DCBLD2: variants seen among roughly 807,000 people sequenced by gnomAD.
DCBLD2 encodes discoidin, CUB and LCCL domain containing 2, also known as discoidin, CUB and LCCL domain-containing protein 2.
A neutral mutation model predicts 86.8 loss-of-function variants in DCBLD2; 54 were observed. The observed-to-expected ratio is 0.62, with a 90% CI of 0.50 to 0.78. DCBLD2 has a LOEUF of 0.78. DCBLD2 is among the 30% of genes least tolerant of loss of function. The pLI is 0.00. For synonymous variants in DCBLD2, 354 were observed against 341.3 expected, an observed-to-expected ratio of 1.04 and a Z score of -0.41; for missense variants, 908 against 954.2, an observed-to-expected ratio of 0.95 and a Z score of 0.64.
intron 3 of DCBLD2, among the ~76,000 whole-genome samples, chr3:98,849,000 T>A (rs1464208486): frequency 6.6e-6 from 1 of 151,964 alleles, no homozygotes; most frequent in Non-Finnish European, 1.5e-5. Context: ...AGAAACCCCA[T>A]CTCTACTAAA....
At chr3:98,901,079 C>A (rs1040747107) in intron 1 of DCBLD2, 43 bp downstream of exon 1, 17 of 1,536,612 alleles carry the variant, frequency 1.1e-5, no homozygotes, top group East Asian at 7.3e-5. Flanking sequence ...CCCGCAGCCC[C>A]GACGGAGGTT....
intron 2 of DCBLD2, among the ~76,000 whole-genome samples, chr3:98,865,109 G>A (rs543738889): frequency 6.6e-6 from 1 of 152,186 alleles, no homozygotes; most frequent in Admixed American, 6.5e-5. Context: ...TTACTACTGG[G>A]TATACATATC....
intron 3 of DCBLD2, among the ~76,000 whole-genome samples, chr3:98,834,236 A>G (rs1249309974): frequency 1.5e-4 from 22 of 149,684 alleles, no homozygotes; most frequent in African/African-American, 4.9e-4. Context: ...ATACATTCAT[A>G]GAATTCACAA....
chr3:98,887,461 C>T (rs369410446), intron 1 of DCBLD2, among the ~76,000 whole-genome samples: 1 of 151,978 alleles, frequency 6.6e-6, no homozygotes, highest in East Asian at 1.9e-4. Context: ...TGCATCACTA[C>T]AAATCTCAGA....
At chr3:98,874,759 CCTG>C (rs758158838) in intron 2 of DCBLD2, among the ~76,000 whole-genome samples, 16 of 152,276 alleles carry the variant, frequency 1.1e-4, no homozygotes, top group Middle Eastern at 3.4e-3. Flanking sequence ...CATAAGAGAA[CCTG>C]CTGTTTCTCT....
chr3:98,809,649 G>A (rs1941902499), intron 12 of DCBLD2, among the ~76,000 whole-genome samples: 1 of 152,096 alleles, frequency 6.6e-6, no homozygotes, highest in African/African-American at 2.4e-5. Flanking sequence ...AAAATAAGGG[G>A]AATATGTAAA....
intron 13 of DCBLD2, among the ~76,000 whole-genome samples, chr3:98,804,784 C>T (rs1941798725): frequency 6.6e-6 from 1 of 152,154 alleles, no homozygotes; most frequent in East Asian, 1.9e-4. Context: ...TTTATTTCTG[C>T]CTTCATTTCA....
intron 1 of DCBLD2, among the ~76,000 whole-genome samples, chr3:98,890,859 G>A (rs1276758229): frequency 6.6e-6 from 1 of 152,024 alleles, no homozygotes; most frequent in African/African-American, 2.4e-5. Context: ...CTTGACTTCA[G>A]TTGTCACTAA....
intron 4 of DCBLD2, 119 bp from the exon 5 acceptor site, chr3:98,822,860 A>G: frequency 1.3e-6 from 1 of 741,010 alleles, no homozygotes; most frequent in Middle Eastern, 2.5e-4. Flanking sequence ...TAATTTCACT[A>G]CCCTCAAAGA....
At chr3:98,811,376 TAA>T in intron 11 of DCBLD2, 57 bp from the exon 12 acceptor site, 2 of 1,611,996 alleles carry the variant, frequency 1.2e-6, no homozygotes, top group South Asian at 2.2e-5. Flanking sequence ...TTGATTAACA[TAA>T]ACTTATTTGA....
intron 2 of DCBLD2, among the ~76,000 whole-genome samples, chr3:98,880,165 A>G (rs913345928): frequency 6.6e-6 from 1 of 152,230 alleles, no homozygotes; most frequent in Non-Finnish European, 1.5e-5. Flanking sequence ...TTTATCAATC[A>G]GCAGCCTGGG....
chr3:98,822,250 C>T lies in DCBLD2; in HGVS notation c.808G>A (p.Ala270Thr). 1 of 1,613,830 alleles carries T rather than the reference C, an allele frequency of 6.2e-7. No homozygotes were observed. The highest frequency in any genetic ancestry group is 8.5e-7 in the Non-Finnish European group (1 of 1,179,840). The part of the protein sequence containing the change: ...KGIPYYESSL[A>T]NNVTSVVGHL... ...TACACCACAGATGTGACGTTGTTAG[C>T]CAAAGAACTTTCATAATAGGGGATA... The change falls in exon 6 of 16, where the codon GCT becomes ACT. Residue 270 changes from alanine to threonine, a missense_variant. Around this residue, in one of 3 missense-constraint regions of DCBLD2, gnomAD observed 606 missense variants for 678.5 expected, o/e 0.89. Transcript: ENST00000326840.
chr3:98,863,858 G>C (rs1261416930), intron 2 of DCBLD2, among the ~76,000 whole-genome samples: 1 of 152,094 alleles, frequency 6.6e-6, no homozygotes, highest in Non-Finnish European at 1.5e-5. Context: ...TTGACAAATG[G>C]GATCTAATTA....
At chr3:98,850,555 C>T (rs1942817094) in intron 2 of DCBLD2, among the ~76,000 whole-genome samples, 1 of 152,138 alleles carries the variant, frequency 6.6e-6, no homozygotes, top group African/African-American at 2.4e-5. Flanking sequence ...GCAAGACACA[C>T]ACTAATAAAT....
Position 98,799,119 on chromosome 3 carries a change from T to C in DCBLD2, c.*253A>G. ...GAAGTGCATTATAGGGAGCTTTTTC[T>C]GTATTAAAAATAGTGTTCTACAGTA... On this transcript the variant is annotated 3_prime_UTR_variant, in exon 16 of 16. Transcript: ENST00000326840. The C allele has an allele frequency of 2.8e-6, 1 of 361,624 alleles. No homozygotes were observed. Among genetic ancestry groups the C allele is most frequent in the Non-Finnish European group, 5.0e-6 (1 of 199,418 alleles). The allele number at this position is 361,624 out of a possible 1,614,324, so 22.4% of individuals were successfully genotyped here.
At chr3:98,825,424 A>ACAG in intron 3 of DCBLD2, 58 bp from the exon 4 acceptor site, 1 of 1,290,934 alleles carries the variant, frequency 7.7e-7, no homozygotes, top group South Asian at 1.5e-5. Flanking sequence ...CCTTGCTGAA[A>ACAG]CTCCAAGTGT....
At chr3:98,806,903 C>A (rs1359032718) in intron 13 of DCBLD2, among the ~76,000 whole-genome samples, 1 of 152,168 alleles carries the variant, frequency 6.6e-6, no homozygotes, top group East Asian at 1.9e-4. Context: ...CATCTCTTCT[C>A]CCTTTCCTAG....
intron 2 of DCBLD2, among the ~76,000 whole-genome samples, chr3:98,866,691 G>A (rs1943152953): frequency 6.6e-6 from 1 of 152,248 alleles, no homozygotes; most frequent in East Asian, 1.9e-4. Context: ...CTTTTGCTGT[G>A]CAGAAGCTCT....
At chr3:98,871,029 T>TG (rs1400298897) in intron 2 of DCBLD2, among the ~76,000 whole-genome samples, 2 of 151,790 alleles carry the variant, frequency 1.3e-5, no homozygotes, top group African/African-American at 4.8e-5. Context: ...CTAGGGTTTT[T>TG]TTTTTTCCTT....
Sources: gnomAD v4.1 joint callset for allele counts (sites outside exome capture counted in the v4.1 genomes callset) on GRCh38, gnomAD v4.1.1 for gene constraint, gnomAD v4.1.1 regional missense constraint, MANE v1.5 for transcripts, NCBI Gene and HGNC (gene_info 2026-07-23, HGNC 2026-07-21) for gene names.